Variants in LOC122539214 observed in about 807,000 individuals in gnomAD.
At chr19:52,662,765 C>A in the LOC122539214 span, among the ~76,000 whole-genome samples, 1 of 151,998 alleles carries the variant, frequency 6.6e-6, no homozygotes, top group African/African-American at 2.4e-5. Context: ...GACATTTCAC[C>A]AAGTTATCCA....
At chr19:52,681,089 A>G in the LOC122539214 span, among the ~76,000 whole-genome samples, 1 of 151,742 alleles carries the variant, frequency 6.6e-6, no homozygotes, top group Non-Finnish European at 1.5e-5. Context: ...GTTGGAAACC[A>G]GCCTGGCCAA....
the LOC122539214 span, among the ~76,000 whole-genome samples, chr19:52,684,438 A>G: frequency 6.6e-6 from 1 of 151,678 alleles, no homozygotes; most frequent in Non-Finnish European, 1.5e-5. Flanking sequence ...AATCCCAGCT[A>G]CTTGGGAGGC....
At chr19:52,652,887 G>T in the LOC122539214 span, 13 of 1,009,804 alleles carry the variant, frequency 1.3e-5, no homozygotes, top group East Asian at 2.8e-5. Context: ...CACACTCATT[G>T]CACTTGTAAG....
At chr19:52,684,517 C>T in the LOC122539214 span, among the ~76,000 whole-genome samples, 19 of 139,108 alleles carry the variant, frequency 1.4e-4, no homozygotes, top group Admixed American at 1.0e-3. Context: ...AGAGTGCACT[C>T]ATAGTTTGGA....
chr19:52,666,801 C>T, the LOC122539214 span, among the ~76,000 whole-genome samples: 1 of 152,140 alleles, frequency 6.6e-6, no homozygotes, highest in African/African-American at 2.4e-5. Flanking sequence ...TCTGACCAGG[C>T]CTAGGAGGAA....
At chr19:52,680,902 G>A in the LOC122539214 span, among the ~76,000 whole-genome samples, 13 of 151,502 alleles carry the variant, frequency 8.6e-5, no homozygotes, top group Non-Finnish European at 1.6e-4. Flanking sequence ...GTGAGCCACC[G>A]CGCCCGGCCT....
chr19:52,687,631 A>ATAATG, the LOC122539214 span, among the ~76,000 whole-genome samples: 3 of 10,736 alleles, frequency 2.8e-4, no homozygotes, highest in African/African-American at 1.2e-3. Context: ...TATATATATA[A>ATAATG]TGTATATATA....
chr19:52,689,743 C>T, the LOC122539214 span, among the ~76,000 whole-genome samples: 9,288 of 148,634 alleles, frequency 0.062, 761 homozygotes, highest in African/African-American at 0.19. Context: ...TCAGGTTTTC[C>T]ACTGCTCTCT....
At chr19:52,653,593 C>T in the LOC122539214 span, among the ~76,000 whole-genome samples, 3 of 152,028 alleles carry the variant, frequency 2.0e-5, no homozygotes, top group East Asian at 1.9e-4. Flanking sequence ...ATGACGTCTA[C>T]GATGCCCTAC....
the LOC122539214 span, among the ~76,000 whole-genome samples, chr19:52,674,910 G>A: frequency 3.2e-4 from 49 of 152,294 alleles, no homozygotes; most frequent in Admixed American, 3.2e-3. Context: ...GCTGGGAAAA[G>A]TGGCTAACCT....
chr19:52,668,921 G>A, the LOC122539214 span, among the ~76,000 whole-genome samples: 3 of 152,178 alleles, frequency 2.0e-5, no homozygotes, highest in Non-Finnish European at 2.9e-5. Flanking sequence ...TCGACACCCT[G>A]TGGGTCAGCC....
At chr19:52,684,431 C>A in the LOC122539214 span, among the ~76,000 whole-genome samples, 1 of 151,712 alleles carries the variant, frequency 6.6e-6, no homozygotes, top group African/African-American at 2.4e-5. Context: ...CCCCTATAAT[C>A]CCAGCTACTT....
chr19:52,664,202 T>TAA, the LOC122539214 span, among the ~76,000 whole-genome samples: 103 of 142,392 alleles, frequency 7.2e-4, no homozygotes, highest in African/African-American at 2.4e-3. Flanking sequence ...TTTTTTTTTT[T>TAA]AATTAAGAAC....
At chr19:52,663,059 A>C in the LOC122539214 span, among the ~76,000 whole-genome samples, 4 of 152,056 alleles carry the variant, frequency 2.6e-5, no homozygotes, top group Admixed American at 1.3e-4. Flanking sequence ...GCTATTTGGG[A>C]GGCTGACCAG....
At chr19:52,661,400 T>C in the LOC122539214 span, among the ~76,000 whole-genome samples, 1 of 152,236 alleles carries the variant, frequency 6.6e-6, no homozygotes, top group African/African-American at 2.4e-5. Context: ...GACACAGATC[T>C]GGCCCTAACC....
At chr19:52,674,699 A>G in the LOC122539214 span, among the ~76,000 whole-genome samples, 2 of 152,162 alleles carry the variant, frequency 1.3e-5, no homozygotes, top group African/African-American at 2.4e-5. Context: ...TATACTTAGG[A>G]ATAAACGTAA....
At chr19:52,672,082 C>T in the LOC122539214 span, among the ~76,000 whole-genome samples, 1 of 151,876 alleles carries the variant, frequency 6.6e-6, no homozygotes, top group Non-Finnish European at 1.5e-5. Flanking sequence ...AAAAATACAA[C>T]AATTAGCTGG....
At chr19:52,655,353 A>G in the LOC122539214 span, 1 of 490,720 alleles carries the variant, frequency 2.0e-6, no homozygotes, top group East Asian at 3.7e-5. Context: ...CAAAGTGTTC[A>G]TGAATGTTCT....
chr19:52,689,392 C>CT, the LOC122539214 span, among the ~76,000 whole-genome samples: 11 of 148,528 alleles, frequency 7.4e-5, no homozygotes, highest in African/African-American at 2.2e-4. Context: ...GTTATACCCT[C>CT]ATCCCCACTC....
Sources: allele counts gnomAD v4.1 joint callset (sites outside exome capture counted in the v4.1 genomes callset), GRCh38; gene constraint gnomAD v4.1.1; transcripts MANE v1.5.